The following DLG2 variants were observed in gnomAD, a reference collection of about 807,000 sequenced individuals.
DLG2 encodes the protein disks large homolog 2.
DLG2 carries 45 observed loss-of-function variants against 132.5 expected under a neutral mutation model. The ratio of observed to expected loss-of-function variants is 0.34; its 90% CI spans 0.27 to 0.44. DLG2 has a LOEUF of 0.44. Among genes scored for constraint, DLG2 ranks in the 20% least tolerant of loss-of-function variants. The pLI is 1.00. For missense variants in DLG2, 1,045 were observed against 1,196.9 expected (o/e 0.87, Z 1.87); for synonymous variants, 424 against 419.6 (o/e 1.01, Z -0.13).
intron 12 of DLG2, among the ~76,000 whole-genome samples, chr11:83,979,810 T>C (rs1425196458): frequency 6.6e-6 from 1 of 152,158 alleles, no homozygotes; most frequent in East Asian, 1.9e-4. Flanking sequence ...GCCAGGGTGT[T>C]GTTTCTATTG....
intron 3 of DLG2, among the ~76,000 whole-genome samples, chr11:85,476,171 A>G (rs776934341): frequency 1.4e-4 from 22 of 152,156 alleles, no homozygotes; most frequent in Non-Finnish European, 2.5e-4. Context: ...GCTGTACTGA[A>G]TACTGTAAGC....
intron 15 of DLG2, among the ~76,000 whole-genome samples, chr11:83,890,418 C>T (rs1469213041): frequency 1.3e-5 from 2 of 151,984 alleles, no homozygotes; most frequent in Admixed American, 6.6e-5. Flanking sequence ...CTAGATAAGT[C>T]ACTTCATTTT....
At chr11:83,800,033 C>T (rs972776858) in intron 17 of DLG2, among the ~76,000 whole-genome samples, 6 of 152,000 alleles carry the variant, frequency 3.9e-5, no homozygotes, top group African/African-American at 1.5e-4. Context: ...CTAGTAAGGG[C>T]ATATAATTAT....
chr11:83,573,696 C>A (rs967143733), intron 19 of DLG2, among the ~76,000 whole-genome samples: 2 of 152,118 alleles, frequency 1.3e-5, no homozygotes, highest in African/African-American at 4.8e-5. Flanking sequence ...ATTTTAGCAT[C>A]ACCTTTTGCT....
intron 6 of DLG2, among the ~76,000 whole-genome samples, chr11:84,583,261 C>T (rs1234978927): frequency 2.0e-5 from 3 of 152,174 alleles, no homozygotes; most frequent in Non-Finnish European, 4.4e-5. Context: ...GCATTTTCTT[C>T]TAATTCCACC....
rs2081243408 is a variant in DLG2 at position 85,323,717 on chromosome 11, CT to C, written c.41-38353del. Among the ~76,000 whole-genome samples the C allele has an allele frequency of 2.0e-5, 3 of 152,288 alleles. No homozygotes were observed. The South Asian group carries it at 6.2e-4, about 32-fold the overall frequency. On this transcript the variant is annotated intron_variant, in intron 3 of 27. Transcript: ENST00000376104. ...CTACTCTCTACCTTCAGGAGGTGAA[CT>C]TTTTTAGCTCCCACATATTAGTGAG...
intron 3 of DLG2, among the ~76,000 whole-genome samples, chr11:85,429,599 AT>A (rs2091022698): frequency 6.6e-6 from 1 of 152,244 alleles, no homozygotes; most frequent in Admixed American, 6.5e-5. Context: ...CAAAAGACAC[AT>A]AAAAAAATGC....
At chr11:84,640,067 T>A (rs2099654191) in intron 6 of DLG2, 4 of 310,920 alleles carry the variant, frequency 1.3e-5, no homozygotes, top group African/African-American at 2.3e-5. Context: ...GACACACAGT[T>A]ATTGTGAAGG....
chr11:85,126,900 GAGA>G (rs529737005), intron 5 of DLG2, among the ~76,000 whole-genome samples: 402 of 152,272 alleles, frequency 2.6e-3, no homozygotes, highest in African/African-American at 9.2e-3. Flanking sequence ...CTGCAGTGCT[GAGA>G]AGGTCATCCA....
At chr11:83,589,264 G>T (rs1299509187) in intron 19 of DLG2, among the ~76,000 whole-genome samples, 2 of 151,064 alleles carry the variant, frequency 1.3e-5, no homozygotes, top group African/African-American at 4.9e-5. Flanking sequence ...CCCTCAAAGG[G>T]AAGCCCATCA....
At chr11:84,645,440 A>G (rs1475778670) in intron 6 of DLG2, among the ~76,000 whole-genome samples, 1 of 152,162 alleles carries the variant, frequency 6.6e-6, no homozygotes, top group Non-Finnish European at 1.5e-5. Context: ...AGGATAAGCT[A>G]TTAAGTGACC....
chr11:83,718,703 G>C (rs757898644), intron 18 of DLG2, among the ~76,000 whole-genome samples: 37 of 152,190 alleles, frequency 2.4e-4, no homozygotes, highest in Non-Finnish European at 1.2e-4. Flanking sequence ...AGAGGGAGGT[G>C]AAGTTGGGGA....
intron 3 of DLG2, among the ~76,000 whole-genome samples, chr11:85,482,534 T>C (rs932388580): frequency 7.9e-5 from 12 of 152,106 alleles, no homozygotes; most frequent in Admixed American, 2.6e-4. Flanking sequence ...TGGTTCCTTG[T>C]CCCAAGACCC....
intron 18 of DLG2, among the ~76,000 whole-genome samples, chr11:83,722,013 T>C (rs1015860838): frequency 3.3e-5 from 5 of 152,198 alleles, no homozygotes; most frequent in African/African-American, 2.4e-5. Context: ...ACAAGTTATA[T>C]GACTGACAAG....
intron 19 of DLG2, among the ~76,000 whole-genome samples, chr11:83,549,000 T>C (rs1377913101): frequency 6.6e-6 from 1 of 152,142 alleles, no homozygotes. Context: ...AGCAAATTAC[T>C]CCCTTCTGTG....
intron 6 of DLG2, among the ~76,000 whole-genome samples, chr11:84,711,330 AAG>A (rs760750088): frequency 0.036 from 1,738 of 48,268 alleles, 16 homozygotes; most frequent in Non-Finnish European, 0.061. Flanking sequence ...CAGAACCAGT[AAG>A]AGAGAGAGAG....
intron 6 of DLG2, among the ~76,000 whole-genome samples, chr11:84,737,940 T>C (rs139479339): frequency 1.1e-3 from 163 of 152,174 alleles, no homozygotes; most frequent in African/African-American, 3.8e-3. Context: ...TGTGTATACG[T>C]GTGGGATGGA....
At chr11:84,928,982 G>GTGTGTGTGTGTGTATATATATATA (rs1400906684) in intron 6 of DLG2, among the ~76,000 whole-genome samples, 6 of 49,112 alleles carry the variant, frequency 1.2e-4, no homozygotes, top group Non-Finnish European at 1.8e-4. Flanking sequence ...GTGTGTGTGT[G>GTGTGTGTGTGTGTATATATATATA]TATATATATA....
intron 18 of DLG2, among the ~76,000 whole-genome samples, chr11:83,715,283 A>G (rs1227073170): frequency 6.6e-6 from 1 of 152,210 alleles, no homozygotes; most frequent in Non-Finnish European, 1.5e-5. Flanking sequence ...ATTTCCTACT[A>G]GATATTAAAT....
Sources: gnomAD v4.1 joint callset for allele counts (sites outside exome capture counted in the v4.1 genomes callset) on GRCh38, gnomAD v4.1.1 for gene constraint, MANE v1.5 for transcripts, NCBI Gene and HGNC (gene_info 2026-07-23, HGNC 2026-07-21) for gene names.